DYM: variants seen among roughly 807,000 people sequenced by gnomAD.
DYM encodes the protein dymeclin.
DYM carries 78 observed loss-of-function variants against 93.1 expected under a neutral mutation model. That is an observed-to-expected ratio of 0.84 (90% CI 0.70 to 1.01). The LOEUF is 1.01. Ranked by LOEUF, DYM falls within the 50% of genes least tolerant of loss-of-function variation. The probability of loss-of-function intolerance (pLI) is 0.00; values close to 1 mark genes in which losing one functional copy is unlikely to be tolerated. For missense variants in DYM, 789 were observed against 845.0 expected, an observed-to-expected ratio of 0.93 and a Z score of 0.82; for synonymous variants, 321 against 319.7, an observed-to-expected ratio of 1.00 and a Z score of -0.04.
At chr18:49,172,935 T>C (rs935515860) in intron 14 of DYM, among the ~76,000 whole-genome samples, 1 of 152,086 alleles carries the variant, frequency 6.6e-6, no homozygotes, top group African/African-American at 2.4e-5. Context: ...TTAGTTCTTA[T>C]ATTTATGTCT....
At chr18:49,424,409 G>C (rs1229513859) in intron 2 of DYM, among the ~76,000 whole-genome samples, 2 of 151,924 alleles carry the variant, frequency 1.3e-5, no homozygotes, top group African/African-American at 4.8e-5. Context: ...AAAATAGTAA[G>C]AGCTATTTAT....
chr18:49,300,353 A>T (rs1457058549), intron 8 of DYM, among the ~76,000 whole-genome samples: 2 of 151,852 alleles, frequency 1.3e-5, no homozygotes, highest in East Asian at 3.9e-4. Context: ...TAATCCTAGC[A>T]CTCTGGGAGG....
At chr18:49,348,835 G>C (rs1231754179) in intron 6 of DYM, among the ~76,000 whole-genome samples, 2 of 150,488 alleles carry the variant, frequency 1.3e-5, no homozygotes, top group South Asian at 4.2e-4. Context: ...CTCGAACCCG[G>C]GAGGTGGAGA....
chr18:49,289,745 A>ATATATGTGTG (rs2059937562), intron 8 of DYM, among the ~76,000 whole-genome samples: 3 of 62,072 alleles, frequency 4.8e-5, no homozygotes, highest in Non-Finnish European at 8.2e-5. Flanking sequence ...ATATATATAT[A>ATATATGTGTG]TATATATATA....
At chr18:49,051,126 G>A (rs1599365265) in intron 17 of DYM, among the ~76,000 whole-genome samples, 1 of 152,200 alleles carries the variant, frequency 6.6e-6, no homozygotes, top group African/African-American at 2.4e-5. Context: ...AAAGGGACCT[G>A]AGTGTGCCCT....
chr18:49,169,099 C>T (rs542849925), intron 14 of DYM, among the ~76,000 whole-genome samples: 7 of 152,158 alleles, frequency 4.6e-5, no homozygotes, highest in East Asian at 1.9e-4. Flanking sequence ...ATTTACCCAG[C>T]GCCTAGTATG....
chr18:49,245,857 C>T (rs969420748), intron 13 of DYM, among the ~76,000 whole-genome samples: 10 of 152,162 alleles, frequency 6.6e-5, no homozygotes, highest in South Asian at 6.2e-4. Context: ...TCAACCCCGG[C>T]GGCCCAGCTG....
At chr18:49,227,298 T>C (rs1256510165) in intron 13 of DYM, among the ~76,000 whole-genome samples, 3 of 152,168 alleles carry the variant, frequency 2.0e-5, no homozygotes, top group Non-Finnish European at 4.4e-5. Flanking sequence ...TCAGTGAAGT[T>C]AGATAATCTG....
chr18:49,097,393 C>G lies in DYM; in HGVS notation c.2025+9G>C. ...CAGTGTCAAGTGGACATTTCTTTAGCCTTCTTACCTTCAGTCTGTCTTTGG... is the reference window on the plus strand; with the variant it reads ...CAGTGTCAAGTGGACATTTCTTTAGGCTTCTTACCTTCAGTCTGTCTTTGG... On this transcript the variant is annotated intron_variant, in intron 17 of 17. Transcript: ENST00000675505. 2 of 1,613,330 alleles carry G rather than the reference C, an allele frequency of 1.2e-6. No individual in the cohort carries two copies. Among genetic ancestry groups the G allele is most frequent in the Non-Finnish European group, 1.7e-6 (2 of 1,179,430 alleles).
intron 14 of DYM, among the ~76,000 whole-genome samples, chr18:49,180,532 T>C (rs1226424632): frequency 6.6e-6 from 1 of 152,050 alleles, no homozygotes; most frequent in Admixed American, 6.6e-5. Flanking sequence ...TTAAAGAAAA[T>C]TGATAAATGA....
At chr18:49,148,587 A>G (rs2085437944) in intron 15 of DYM, among the ~76,000 whole-genome samples, 1 of 152,134 alleles carries the variant, frequency 6.6e-6, no homozygotes, top group Non-Finnish European at 1.5e-5. Flanking sequence ...CAAGAAAATC[A>G]AGGGTCAAAA....
Position 49,199,160 on chromosome 18 carries a change from T to C in DYM, c.1625+10391A>G, listed in dbSNP as rs538276035. Among the ~76,000 whole-genome samples, 31 of 152,090 alleles carry C rather than the reference T, an allele frequency of 2.0e-4. No homozygotes were observed. The East Asian group carries it at 2.1e-3, about 10-fold the overall frequency. ...ACCAAACACCACATGTTCTCACTCA[T>C]AGGTGGGAAATGAACAATGAGAACA... On this transcript the variant is annotated intron_variant, in intron 14 of 17. Coordinates refer to ENST00000675505, the MANE Select transcript of DYM (RefSeq NM_001353214.3).
intron 15 of DYM, among the ~76,000 whole-genome samples, chr18:49,157,447 A>G (rs967576641): frequency 1.3e-5 from 2 of 152,096 alleles, no homozygotes; most frequent in Admixed American, 1.3e-4. Context: ...TTAATCCTCA[A>G]AAGAACCCCA....
intron 15 of DYM, among the ~76,000 whole-genome samples, chr18:49,121,768 T>C (rs2079750542): frequency 6.6e-6 from 1 of 152,204 alleles, no homozygotes; most frequent in South Asian, 2.1e-4. Flanking sequence ...AACCTAAATG[T>C]AGTGGCATCA....
chr18:49,396,598 T>C (rs2070121170), intron 2 of DYM, among the ~76,000 whole-genome samples: 1 of 152,136 alleles, frequency 6.6e-6, no homozygotes, highest in Non-Finnish European at 1.5e-5. Flanking sequence ...GAAAACAAAA[T>C]CAGTATGTCA....
At chr18:49,065,598 G>A (rs1568363486) in intron 17 of DYM, among the ~76,000 whole-genome samples, 1 of 152,040 alleles carries the variant, frequency 6.6e-6, no homozygotes, top group Non-Finnish European at 1.5e-5. Flanking sequence ...CTGACCTCAG[G>A]TGATCTGCCC....
At chr18:49,111,665 G>A (rs753794907) in intron 16 of DYM, among the ~76,000 whole-genome samples, 6 of 152,198 alleles carry the variant, frequency 3.9e-5, no homozygotes, top group East Asian at 1.9e-4. Flanking sequence ...GTTTTTCAAC[G>A]TTCATGCTCC....
intron 6 of DYM, among the ~76,000 whole-genome samples, chr18:49,334,709 C>T (rs1030733411): frequency 1.6e-4 from 25 of 151,994 alleles, no homozygotes; most frequent in Non-Finnish European, 1.0e-4. Context: ...TACTTAACAC[C>T]TACTTAAATG....
At chr18:49,303,251 C>A (rs1032839534) in intron 8 of DYM, among the ~76,000 whole-genome samples, 5 of 152,184 alleles carry the variant, frequency 3.3e-5, no homozygotes, top group Admixed American at 3.3e-4. Context: ...CTTTATGGTT[C>A]ATTCCTTCAA....
Sources: gnomAD v4.1 joint callset for allele counts (sites outside exome capture counted in the v4.1 genomes callset) on GRCh38, gnomAD v4.1.1 for gene constraint, MANE v1.5 for transcripts, NCBI Gene and HGNC (gene_info 2026-07-23, HGNC 2026-07-21) for gene names.